FGF14: variants seen among roughly 807,000 people sequenced by gnomAD.
FGF14 encodes fibroblast growth factor 14.
Under a neutral mutation model 25.5 loss-of-function variants are expected in FGF14, and 5 were observed. The ratio of observed to expected loss-of-function variants is 0.20; its 90% CI spans 0.10 to 0.41. FGF14 has a LOEUF of 0.41. Ranked by LOEUF, FGF14 falls within the 10% of genes least tolerant of loss-of-function variation. The pLI, the probability that FGF14 is intolerant of heterozygous loss-of-function variation, is 1.00. For missense variants in FGF14, 222 were observed against 320.1 expected, an observed-to-expected ratio of 0.69 and a Z score of 2.34; for synonymous variants, 138 against 118.3, an observed-to-expected ratio of 1.17 and a Z score of -1.08.
At chr13:102,317,985 C>T (rs73581270) in intron 1 of FGF14, among the ~76,000 whole-genome samples, 1,528 of 152,296 alleles carry the variant, frequency 0.01, 29 homozygotes, top group African/African-American at 0.035. Context: ...TAGACATCGG[C>T]CCCAGTCATG....
At chr13:101,727,006 T>C (rs1396487879) in intron 3 of FGF14, among the ~76,000 whole-genome samples, 196 bp from the exon 4 acceptor site, 1 of 152,024 alleles carries the variant, frequency 6.6e-6, no homozygotes, top group Non-Finnish European at 1.5e-5. Flanking sequence ...CCTACTATTA[T>C]TGAAAATATA....
intron 1 of FGF14, among the ~76,000 whole-genome samples, chr13:102,278,920 G>A (rs2053686818): frequency 6.6e-6 from 1 of 152,006 alleles, no homozygotes; most frequent in Admixed American, 6.6e-5. Context: ...AAACAAAGAT[G>A]ATGTGACACA....
intron 1 of FGF14, among the ~76,000 whole-genome samples, chr13:102,310,511 G>A (rs913694546): frequency 2.6e-5 from 4 of 152,074 alleles, no homozygotes; most frequent in African/African-American, 9.7e-5. Context: ...TTAAGTATGA[G>A]CTGAGCTTCC....
intron 1 of FGF14, among the ~76,000 whole-genome samples, chr13:102,142,247 G>T (rs1261565921): frequency 6.6e-6 from 1 of 152,050 alleles, no homozygotes; most frequent in East Asian, 1.9e-4. Flanking sequence ...CCCAAATCTT[G>T]CAAATATTAG....
chr13:102,301,350 G>T (rs1411631480), intron 1 of FGF14, among the ~76,000 whole-genome samples: 1 of 152,146 alleles, frequency 6.6e-6, no homozygotes, highest in Non-Finnish European at 1.5e-5. Context: ...TAATGTAGCT[G>T]ATGTATAATG....
At chr13:102,191,963 C>G (rs2049141041) in intron 1 of FGF14, among the ~76,000 whole-genome samples, 1 of 152,176 alleles carries the variant, frequency 6.6e-6, no homozygotes, top group Non-Finnish European at 1.5e-5. Context: ...AAGGCAAATT[C>G]CATTAGCTCT....
intron 1 of FGF14, among the ~76,000 whole-genome samples, chr13:102,173,116 T>TA (rs1327682260): frequency 6.6e-6 from 1 of 152,084 alleles, no homozygotes; most frequent in African/African-American, 2.4e-5. Flanking sequence ...CAAAATATAT[T>TA]AACAACTTCT....
chr13:102,017,434 G>T (rs2040405856), intron 1 of FGF14, among the ~76,000 whole-genome samples: 1 of 152,124 alleles, frequency 6.6e-6, no homozygotes, highest in Non-Finnish European at 1.5e-5. Context: ...TAAAGATATT[G>T]CTCCATTTAC....
At chr13:101,898,592 T>C (rs1336525067) in intron 1 of FGF14, among the ~76,000 whole-genome samples, 4 of 152,120 alleles carry the variant, frequency 2.6e-5, no homozygotes, top group Non-Finnish European at 5.9e-5. Context: ...AAAAACATCC[T>C]CTCTATTTTT....
chr13:102,180,853 C>A (rs543234209), intron 1 of FGF14, among the ~76,000 whole-genome samples: 1 of 152,206 alleles, frequency 6.6e-6, no homozygotes, highest in Admixed American at 6.6e-5. Flanking sequence ...ATCTGGCAAA[C>A]CTTGTTCACA....
At chr13:102,099,424 A>G (rs2140278601) in intron 1 of FGF14, among the ~76,000 whole-genome samples, 1 of 152,328 alleles carries the variant, frequency 6.6e-6, no homozygotes, top group Non-Finnish European at 1.5e-5. Flanking sequence ...CCTCTTAACC[A>G]CACAAGGGTT....
intron 3 of FGF14, among the ~76,000 whole-genome samples, chr13:101,785,873 C>T (rs576786913): frequency 3.3e-5 from 5 of 152,276 alleles, no homozygotes; most frequent in Middle Eastern, 3.4e-3. Flanking sequence ...AATGCATGGA[C>T]CCCACTCCCT....
chr13:102,037,308 G>T (rs1016214377), intron 1 of FGF14, among the ~76,000 whole-genome samples: 1 of 152,084 alleles, frequency 6.6e-6, no homozygotes, highest in Admixed American at 6.6e-5. Context: ...TCAGGGTTGT[G>T]TTCCTTCCTG....
chr13:102,001,379 C>T (rs1461924715), intron 1 of FGF14, among the ~76,000 whole-genome samples: 1 of 152,100 alleles, frequency 6.6e-6, no homozygotes, highest in Non-Finnish European at 1.5e-5. Flanking sequence ...AGCCTTATGA[C>T]AGGAAAACCA....
At chr13:102,233,463 T>C (rs967422975) in intron 1 of FGF14, among the ~76,000 whole-genome samples, 3 of 151,612 alleles carry the variant, frequency 2.0e-5, no homozygotes, top group African/African-American at 7.3e-5. Context: ...TTTTTTTGTC[T>C]AGCTTCCCCC....
At chr13:102,275,396 A>C (rs2053487266) in intron 1 of FGF14, among the ~76,000 whole-genome samples, 1 of 152,038 alleles carries the variant, frequency 6.6e-6, no homozygotes, top group Non-Finnish European at 1.5e-5. Flanking sequence ...CATCTGGACA[A>C]GGGGCTATTA....
chr13:101,770,398 A>T (rs986924445), intron 3 of FGF14, among the ~76,000 whole-genome samples: 4 of 152,134 alleles, frequency 2.6e-5, no homozygotes, highest in African/African-American at 9.7e-5. Context: ...CTGTTTTATA[A>T]GTGGGATTCA....
chr13:101,731,003 TCTC>T (rs1238060667), intron 3 of FGF14, among the ~76,000 whole-genome samples: 10 of 152,164 alleles, frequency 6.6e-5, no homozygotes, highest in Admixed American at 2.0e-4. Flanking sequence ...CTACAGATAA[TCTC>T]CTTTTAACAT....
intron 1 of FGF14, among the ~76,000 whole-genome samples, chr13:102,351,728 GC>G (rs1278723521): frequency 2.0e-5 from 3 of 152,230 alleles, no homozygotes; most frequent in Admixed American, 6.5e-5. Context: ...CTTTCCACAG[GC>G]CGCCTGAGCA....
Sources: gnomAD v4.1 joint callset for allele counts (sites outside exome capture counted in the v4.1 genomes callset) on GRCh38, gnomAD v4.1.1 for gene constraint, MANE v1.5 for transcripts, NCBI Gene and HGNC (gene_info 2026-07-23, HGNC 2026-07-21) for gene names.